PIGL: variants seen among roughly 807,000 people sequenced by gnomAD.
PIGL encodes N-acetylglucosaminyl-phosphatidylinositol de-N-acetylase.
Under a neutral mutation model 31.1 loss-of-function variants are expected in PIGL, and 22 were observed. The ratio of observed to expected loss-of-function variants is 0.71; its 90% CI spans 0.51 to 1.01. The LOEUF is 1.01. Ranked by LOEUF, PIGL falls within the 50% of genes least tolerant of loss-of-function variation. PIGL has a pLI of 0.00. For missense variants in PIGL, 302 were observed against 315.9 expected, an observed-to-expected ratio of 0.96 and a Z score of 0.33; for synonymous variants, 131 against 117.4, an observed-to-expected ratio of 1.12 and a Z score of -0.75.
intron 2 of PIGL, among the ~76,000 whole-genome samples, chr17:16,251,192 G>A (rs533465725): frequency 8.5e-4 from 129 of 152,224 alleles, no homozygotes; most frequent in African/African-American, 3.0e-3. Context: ...TTGGGAGGCC[G>A]AGGTGGGAGG....
intron 2 of PIGL, among the ~76,000 whole-genome samples, chr17:16,290,417 G>A (rs1196764673): frequency 2.0e-5 from 3 of 149,702 alleles, no homozygotes; most frequent in Non-Finnish European, 4.4e-5. Context: ...TTTTGAGACA[G>A]GGTCTCATTC....
intron 2 of PIGL, chr17:16,279,811 G>A (rs1348905614): frequency 2.0e-5 from 3 of 152,214 alleles, no homozygotes; most frequent in African/African-American, 7.2e-5. Flanking sequence ...CCAATCTATT[G>A]GGTAAGCCAT....
chr17:16,233,371 A>T (rs1364679302), intron 1 of PIGL, among the ~76,000 whole-genome samples: 1 of 152,156 alleles, frequency 6.6e-6, no homozygotes, highest in Non-Finnish European at 1.5e-5. Context: ...TGGGAAAATA[A>T]AGAATATATA....
chr17:16,218,351 T>C (rs1477019121), intron 1 of PIGL: 3 of 152,234 alleles, frequency 2.0e-5, no homozygotes, highest in Non-Finnish European at 4.4e-5. Flanking sequence ...CAAATACTTA[T>C]TAAACATTTA....
At chr17:16,217,622 C>T (rs919845619) in intron 1 of PIGL, 161 bp downstream of exon 1, 53 of 597,516 alleles carry the variant, frequency 8.9e-5, no homozygotes, top group Non-Finnish European at 1.7e-5. Context: ...ACAGGAGCGG[C>T]CGGCTTACCT....
In PIGL at chr17:16,325,967, C is replaced by G; in HGVS notation, c.*69C>G. 1 of 1,108,252 alleles carries G rather than the reference C, an allele frequency of 9.0e-7. No individual in the cohort carries two copies. The allele number at this position is 1,108,252 out of a possible 1,614,324, so 68.7% of individuals were successfully genotyped here. On this transcript the variant is annotated 3_prime_UTR_variant, in exon 7 of 7. Transcript: ENST00000225609. ...GACAAAGGAGTGCAGAGGACCTGGC[C>G]TGGCACTGGCTTATTTACCTGAGCT...
chr17:16,322,857 G>C (rs898938529), intron 6 of PIGL, among the ~76,000 whole-genome samples: 1 of 151,954 alleles, frequency 6.6e-6, no homozygotes, highest in South Asian at 2.1e-4. Context: ...TCTCATTTTT[G>C]TGGTTTTTGT....
chr17:16,289,465 A>T (rs1022477022), intron 2 of PIGL, among the ~76,000 whole-genome samples: 1 of 152,190 alleles, frequency 6.6e-6, no homozygotes, highest in Non-Finnish European at 1.5e-5. Context: ...CTCCATATCC[A>T]TCTGTTTTAG....
chr17:16,230,810 A>T (rs1427370859), intron 1 of PIGL, among the ~76,000 whole-genome samples: 2 of 151,964 alleles, frequency 1.3e-5, no homozygotes, highest in Non-Finnish European at 2.9e-5. Context: ...ATTTAATACA[A>T]AATAAAGTCA....
chr17:16,303,401 C>T (rs527699772), intron 3 of PIGL, among the ~76,000 whole-genome samples: 1 of 152,306 alleles, frequency 6.6e-6, no homozygotes, highest in Admixed American at 6.5e-5. Context: ...CACCTCCCTG[C>T]CTGGAAGTCT....
At chr17:16,314,536 C>A (rs924398510) in intron 4 of PIGL, among the ~76,000 whole-genome samples, 1 of 152,190 alleles carries the variant, frequency 6.6e-6, no homozygotes, top group Admixed American at 6.5e-5. Context: ...TGAAGACCCT[C>A]CTTGTCCTTA....
In PIGL at chr17:16,228,765, A is replaced by G. The variant is rs150672162; in HGVS notation, c.236-5206A>G. On this transcript the variant is annotated intron_variant, in intron 1 of 6. Transcript: ENST00000225609. ...ATTATGTAACCATCACCACTATTTC[A>G]TCATCCCAAATAGAAACTCTATACC... Among the ~76,000 whole-genome samples, 340 of 152,274 alleles carry G rather than the reference A, an allele frequency of 2.2e-3. 2 individuals carry two copies. The highest frequency in any genetic ancestry group is 7.7e-3 in the African/African-American group (322 of 41,560).
intron 3 of PIGL, among the ~76,000 whole-genome samples, chr17:16,303,190 G>T (rs550127394): frequency 6.6e-6 from 1 of 152,218 alleles, no homozygotes; most frequent in Non-Finnish European, 1.5e-5. Context: ...ACTTTGATGA[G>T]CCCTTTTTGA....
intron 2 of PIGL, among the ~76,000 whole-genome samples, chr17:16,268,910 G>A (rs1006022391): frequency 6.0e-5 from 9 of 150,886 alleles, no homozygotes; most frequent in Non-Finnish European, 7.4e-5. Flanking sequence ...CTACAGGCGC[G>A]TGCCACCACG....
At chr17:16,276,853 T>C (rs1316887080) in intron 2 of PIGL, among the ~76,000 whole-genome samples, 1 of 152,256 alleles carries the variant, frequency 6.6e-6, no homozygotes, top group Non-Finnish European at 1.5e-5. Flanking sequence ...TCATGGTAAC[T>C]GATTTGCTTT....
At position 16,258,069 on chromosome 17, in the gene PIGL, AAGAGAGAG is replaced by A. The variant is rs749459552; in HGVS notation, c.335+24025_335+24032del. On this transcript the variant is annotated intron_variant, in intron 2 of 6. Transcript: ENST00000225609. ...CAGGAGCAAAACTTTGTCAGAAAGA[AAGAGAGAG>A]AGAGAGAGAGAGAGAGAGAGAGAGA... 6.1e-3 allele frequency among the ~76,000 whole-genome samples: 551 copies of A among 90,506 alleles called. 2 individuals are homozygous for A. Among genetic ancestry groups the A allele is most frequent in the Middle Eastern group, 0.022 (3 of 134 alleles). The allele number at this position is 90,506 out of a possible 152,430, so 59.4% of individuals were successfully genotyped here.
intron 6 of PIGL, among the ~76,000 whole-genome samples, chr17:16,321,593 G>A (rs2093106172): frequency 6.6e-6 from 1 of 152,076 alleles, no homozygotes; most frequent in Non-Finnish European, 1.5e-5. Context: ...GAGGCACTTT[G>A]CTAGGTACTG....
chr17:16,313,509 G>T, intron 3 of PIGL, 38 bp from the exon 4 acceptor site: 1 of 1,475,918 alleles, frequency 6.8e-7, no homozygotes, highest in Non-Finnish European at 9.5e-7. Flanking sequence ...TGAGGTGGTG[G>T]AGAAGGCATT....
At chr17:16,234,836 CT>C (rs2092693253) in intron 2 of PIGL, among the ~76,000 whole-genome samples, 1 of 152,210 alleles carries the variant, frequency 6.6e-6, no homozygotes, top group South Asian at 2.1e-4. Flanking sequence ...TTTTTAACTT[CT>C]GTTCGGATTT....
Sources: allele counts gnomAD v4.1 joint callset (sites outside exome capture counted in the v4.1 genomes callset), GRCh38; gene constraint gnomAD v4.1.1; transcripts MANE v1.5; gene names NCBI Gene and HGNC (gene_info 2026-07-23, HGNC 2026-07-21).